The following MIA2 variants were observed in gnomAD, a reference collection of about 807,000 sequenced individuals.
MIA2 encodes MIA SH3 domain ER export factor 2.
A neutral mutation model predicts 167.8 loss-of-function variants in MIA2; 127 were observed. The observed-to-expected ratio is 0.76, with a 90% CI of 0.66 to 0.88. MIA2 has a LOEUF of 0.88. MIA2 is among the 40% of genes least tolerant of loss of function. The pLI is 0.00. For missense variants in MIA2, 1,690 were observed against 1,624.7 expected (o/e 1.04, Z -0.69); for synonymous variants, 552 against 541.9 (o/e 1.02, Z -0.26).
At chr14:39,266,540 A>C (rs1362715057) in intron 6 of MIA2, 2 of 985,376 alleles carry the variant, frequency 2.0e-6, no homozygotes, top group Non-Finnish European at 2.4e-6. Flanking sequence ...AAGCGAGGAA[A>C]CCAGATCGAG....
chr14:39,322,374 C>T (rs1352205836), intron 24 of MIA2, among the ~76,000 whole-genome samples: 10 of 151,872 alleles, frequency 6.6e-5, no homozygotes, highest in Admixed American at 6.6e-4. Flanking sequence ...AACCCTGTCT[C>T]TACTAAAAAT....
rs760560406 is a variant in MIA2, at chr14:39,276,965, C to G, written c.1919C>G (p.Pro640Arg). 4 of 1,613,684 alleles carry G rather than the reference C, an allele frequency of 2.5e-6. No homozygotes were observed. The highest frequency in any genetic ancestry group is 3.4e-6 in the Non-Finnish European group (4 of 1,179,866). The change falls in exon 7 of 29, where the codon CCA (proline) becomes CGA (arginine). Residue 640 changes from proline to arginine, a missense_variant. Coordinates refer to ENST00000640607, the MANE Select transcript of MIA2 (RefSeq NM_001329214.4). ...VVAALPEGMR[P>R]DSNLYGFPWE... is the part of the protein sequence containing the mutation. Reference sequence around the variant, plus strand: ...GCAGCACTGCCTGAAGGTATGAGACCAGATTCTAATCTTTATGGTTTTCCA... The same window carrying G: ...GCAGCACTGCCTGAAGGTATGAGACGAGATTCTAATCTTTATGGTTTTCCA...
At chr14:39,351,547 A>T (rs2074382292), downstream of MIA2, among the ~76,000 whole-genome samples, 1 of 152,112 alleles carries the variant, frequency 6.6e-6, no homozygotes, top group African/African-American at 2.4e-5. Flanking sequence ...CCCCAAGGTG[A>T]TGTATTAGGA....
intron 21 of MIA2, 104 bp from the exon 22 acceptor site, chr14:39,317,836 GATAT>G: frequency 3.1e-6 from 2 of 649,640 alleles, no homozygotes; most frequent in South Asian, 4.5e-5. Flanking sequence ...CCATTGTTGT[GATAT>G]ATATATATTT....
intron 6 of MIA2, 77 bp from the exon 7 acceptor site, chr14:39,276,857 A>C: frequency 2.0e-6 from 3 of 1,520,126 alleles, no homozygotes; most frequent in Non-Finnish European, 2.7e-6. Context: ...TTGACCACAT[A>C]AACTTGTACC....
chr14:39,332,584 C>T (rs1011742626), intron 25 of MIA2, among the ~76,000 whole-genome samples: 1 of 152,112 alleles, frequency 6.6e-6, no homozygotes, highest in African/African-American at 2.4e-5. Context: ...ATTTATTTAC[C>T]ATTGGTCTTT....
At chr14:39,314,614 T>G in intron 19 of MIA2, 125 bp from the exon 20 acceptor site, 1 of 413,658 alleles carries the variant, frequency 2.4e-6, no homozygotes, top group Non-Finnish European at 4.0e-6. Flanking sequence ...TCTGGAGTTT[T>G]TTTTTTTTTT....
chr14:39,322,566 T>G (rs890642906), intron 24 of MIA2, among the ~76,000 whole-genome samples: 4 of 150,914 alleles, frequency 2.7e-5, no homozygotes, highest in African/African-American at 4.9e-5. Context: ...AAAAGTACAT[T>G]GGGAAACCAA....
At chr14:39,382,809 A>G (rs1217493791) in intron 23 of MIA2, among the ~76,000 whole-genome samples, 2 of 152,116 alleles carry the variant, frequency 1.3e-5, no homozygotes, top group Non-Finnish European at 2.9e-5. Context: ...TCACACTCAT[A>G]AGAGATGTCT....
At chr14:39,284,755 TTTTA>T (rs1305638802) in intron 9 of MIA2, among the ~76,000 whole-genome samples, 1 of 151,502 alleles carries the variant, frequency 6.6e-6, no homozygotes, top group Non-Finnish European at 1.5e-5. Flanking sequence ...TTTTTCTTTT[TTTTA>T]TTTTTTTTTT....
chr14:39,361,686 C>T (rs143337772), intron 23 of MIA2, among the ~76,000 whole-genome samples: 3,360 of 152,150 alleles, frequency 0.022, 120 homozygotes, highest in African/African-American at 0.074. Flanking sequence ...GTGATCCACC[C>T]GCCTTGGCCT....
At chr14:39,301,151 C>T (rs1221477000) in intron 14 of MIA2, among the ~76,000 whole-genome samples, 5 of 151,614 alleles carry the variant, frequency 3.3e-5, no homozygotes, top group Non-Finnish European at 7.4e-5. Context: ...ACCTCTGCCT[C>T]GTGGGTTCAA....
At chr14:39,234,682 C>CA in intron 1 of MIA2, among the ~76,000 whole-genome samples, 1 of 152,012 alleles carries the variant, frequency 6.6e-6, no homozygotes, top group Non-Finnish European at 1.5e-5. Context: ...CATGACGTTC[C>CA]TAAAAAGTGT....
intron 3 of MIA2, among the ~76,000 whole-genome samples, chr14:39,241,565 C>T (rs1227313981): frequency 1.3e-5 from 2 of 152,214 alleles, no homozygotes; most frequent in Non-Finnish European, 2.9e-5. Flanking sequence ...AGCAATCCTC[C>T]CGCCTCTGCC....
chr14:39,328,707 A>G (rs151289647), intron 25 of MIA2, among the ~76,000 whole-genome samples: 1,994 of 152,216 alleles, frequency 0.013, 58 homozygotes, highest in African/African-American at 0.045. Context: ...TCCGAACGCA[A>G]TTTATTAAAT....
chr14:39,360,943 G>C (rs991884074), intron 23 of MIA2, among the ~76,000 whole-genome samples: 1 of 152,160 alleles, frequency 6.6e-6, no homozygotes, highest in African/African-American at 2.4e-5. Context: ...TGGAAACCTT[G>C]AAAATCAGTT....
At chr14:39,300,180 A>G (rs879830185) in intron 14 of MIA2, among the ~76,000 whole-genome samples, 194 bp downstream of exon 14, 8 of 152,198 alleles carry the variant, frequency 5.3e-5, no homozygotes, top group Non-Finnish European at 8.8e-5. Flanking sequence ...ACATACTTAT[A>G]TGAATATTCT....
chr14:39,348,634 CTA>C, intron 27 of MIA2, 107 bp from the exon 28 acceptor site: 1 of 1,449,928 alleles, frequency 6.9e-7, no homozygotes, highest in Non-Finnish European at 9.6e-7. Context: ...CTTTCTAAGA[CTA>C]TCATGGAATG....
At chr14:39,287,547 T>TA (rs1566741901) in intron 9 of MIA2, among the ~76,000 whole-genome samples, 1 of 151,684 alleles carries the variant, frequency 6.6e-6, no homozygotes, top group Non-Finnish European at 1.5e-5. Context: ...TTCATTATTT[T>TA]AAAAATTTTA....
Sources: allele counts gnomAD v4.1 joint callset (sites outside exome capture counted in the v4.1 genomes callset), GRCh38; gene constraint gnomAD v4.1.1; transcripts MANE v1.5; gene names NCBI Gene and HGNC (gene_info 2026-07-23, HGNC 2026-07-21).